The following DLG2 variants were observed in gnomAD, a reference collection of about 807,000 sequenced individuals.
DLG2 encodes disks large homolog 2.
Under a neutral mutation model 132.5 loss-of-function variants are expected in DLG2, and 45 were observed. That is an observed-to-expected ratio of 0.34 (90% CI 0.27 to 0.44). The LOEUF (loss-of-function observed/expected upper bound fraction) is 0.44. Among genes scored for constraint, DLG2 ranks in the 20% least tolerant of loss-of-function variants. The pLI, the probability that DLG2 is intolerant of heterozygous loss-of-function variation, is 1.00. For synonymous variants in DLG2, 424 were observed against 419.6 expected (o/e 1.01, Z -0.13); for missense variants, 1,045 against 1,196.9 (o/e 0.87, Z 1.87).
At chr11:85,576,684 G>A (rs992666250) in intron 3 of DLG2, among the ~76,000 whole-genome samples, 1 of 152,174 alleles carries the variant, frequency 6.6e-6, no homozygotes, top group Non-Finnish European at 1.5e-5. Context: ...ACTCTGCTAA[G>A]TGTTAGGATT....
intron 6 of DLG2, among the ~76,000 whole-genome samples, chr11:84,961,989 G>C (rs2052648909): frequency 6.6e-6 from 1 of 152,082 alleles, no homozygotes; most frequent in South Asian, 2.1e-4. Context: ...CCACTGACAG[G>C]GTGCTATAAG....
intron 7 of DLG2, among the ~76,000 whole-genome samples, chr11:84,395,359 G>T (rs1181612806): frequency 2.0e-5 from 3 of 151,966 alleles, no homozygotes; most frequent in African/African-American, 7.2e-5. Context: ...GGCAGAAGGG[G>T]CCTTAGTGCG....
chr11:83,490,880 C>G (rs2093802341), intron 21 of DLG2, among the ~76,000 whole-genome samples: 1 of 151,844 alleles, frequency 6.6e-6, no homozygotes, highest in Non-Finnish European at 1.5e-5. Flanking sequence ...AGTCCTGAGT[C>G]AGAAAAATAA....
chr11:85,393,616 A>G (rs770007350), intron 3 of DLG2, among the ~76,000 whole-genome samples: 18 of 142,194 alleles, frequency 1.3e-4, no homozygotes, highest in Admixed American at 3.0e-4. Flanking sequence ...ATATATATAT[A>G]TATGGTATGC....
intron 22 of DLG2, chr11:83,483,145 T>A: frequency 1.2e-6 from 1 of 860,430 alleles, no homozygotes; most frequent in Non-Finnish European, 1.9e-6. Context: ...AAAACTCGTA[T>A]CTTGTGCATG....
intron 7 of DLG2, among the ~76,000 whole-genome samples, chr11:84,519,849 A>G (rs1440553795): frequency 6.6e-6 from 1 of 152,222 alleles, no homozygotes; most frequent in Non-Finnish European, 1.5e-5. Context: ...GTTCCATAGG[A>G]AGTCCATAGA....
intron 4 of DLG2, among the ~76,000 whole-genome samples, chr11:85,209,229 C>G (rs1005342960): frequency 1.3e-5 from 2 of 152,096 alleles, no homozygotes; most frequent in Non-Finnish European, 2.9e-5. Flanking sequence ...GCACTGAATA[C>G]AAATACTTAG....
intron 11 of DLG2, among the ~76,000 whole-genome samples, chr11:84,000,859 G>C (rs2094310253): frequency 6.6e-6 from 1 of 151,982 alleles, no homozygotes; most frequent in Middle Eastern, 3.4e-3. Flanking sequence ...ATGCTCAAGG[G>C]AGTCCTAAAC....
intron 15 of DLG2, among the ~76,000 whole-genome samples, chr11:83,906,508 C>T (rs2075011958): frequency 6.6e-6 from 1 of 152,040 alleles, no homozygotes; most frequent in Non-Finnish European, 1.5e-5. Flanking sequence ...ATTCATCCAT[C>T]TATTCCAAAA....
chr11:84,617,211 A>G (rs1402456264), intron 6 of DLG2, among the ~76,000 whole-genome samples: 1 of 151,608 alleles, frequency 6.6e-6, no homozygotes, highest in South Asian at 2.1e-4. Context: ...TTCAACTCCA[A>G]CTTATGAGTG....
intron 6 of DLG2, among the ~76,000 whole-genome samples, chr11:85,096,753 C>T (rs897503057): frequency 9.2e-5 from 14 of 152,144 alleles, no homozygotes; most frequent in African/African-American, 2.9e-4. Context: ...AGACCCTTTT[C>T]GCTTGCCATT....
In DLG2 at chr11:83,849,765, T is replaced by TAAAAAA. The variant is rs67891823; in HGVS notation, c.1566-16001_1566-15996dup. Reference sequence around the variant, plus strand: ...CTGGAGCTCCTTTTTTTTTTTTTTTTAAAAAAAAAGCATAAAATATTACAT... The same window carrying TAAAAAA: ...CTGGAGCTCCTTTTTTTTTTTTTTTTAAAAAAAAAAAAAAAGCATAAAATATTACAT... On this transcript the variant is annotated intron_variant, in intron 16 of 27. Coordinates refer to ENST00000376104, the MANE Select transcript of DLG2 (RefSeq NM_001142699.3). 5.8e-3 allele frequency among the ~76,000 whole-genome samples: 866 copies of TAAAAAA among 148,092 alleles called. 13 individuals carry two copies. Among genetic ancestry groups the TAAAAAA allele is most frequent in the African/African-American group, 0.02 (795 of 40,186 alleles).
At chr11:84,401,740 C>T (rs1166130621) in intron 7 of DLG2, among the ~76,000 whole-genome samples, 4 of 152,088 alleles carry the variant, frequency 2.6e-5, no homozygotes, top group African/African-American at 9.7e-5. Context: ...TTTTTAGCAG[C>T]GATGTCATCT....
chr11:84,965,535 T>C (rs1459195529), intron 6 of DLG2, among the ~76,000 whole-genome samples: 2 of 152,048 alleles, frequency 1.3e-5, no homozygotes, highest in African/African-American at 4.8e-5. Flanking sequence ...TCATCAAGAC[T>C]AAAAGAATTT....
intron 9 of DLG2, among the ~76,000 whole-genome samples, chr11:84,121,645 T>A (rs1460569613): frequency 6.9e-6 from 1 of 145,892 alleles, no homozygotes; most frequent in African/African-American, 2.5e-5. Context: ...CACTGCAAGT[T>A]CCGCCTCCCG....
At chr11:85,500,870 T>A (rs2093784876) in intron 3 of DLG2, among the ~76,000 whole-genome samples, 2 of 152,170 alleles carry the variant, frequency 1.3e-5, no homozygotes, top group South Asian at 4.1e-4. Context: ...TTCCATGCTA[T>A]CCCCATCAAG....
chr11:84,795,228 T>C (rs2074411065), intron 6 of DLG2, among the ~76,000 whole-genome samples: 1 of 152,094 alleles, frequency 6.6e-6, no homozygotes, highest in Non-Finnish European at 1.5e-5. Context: ...CCACTGTGGG[T>C]CTCCTCTTTG....
intron 6 of DLG2, among the ~76,000 whole-genome samples, chr11:84,924,589 A>C (rs575498986): frequency 2.0e-5 from 3 of 152,356 alleles, no homozygotes; most frequent in African/African-American, 7.2e-5. Context: ...AATTAAAGGA[A>C]GAAGAAAAGC....
At chr11:83,549,088 A>C (rs2096314120) in intron 19 of DLG2, among the ~76,000 whole-genome samples, 1 of 152,154 alleles carries the variant, frequency 6.6e-6, no homozygotes, top group African/African-American at 2.4e-5. Context: ...GCTTTGACTC[A>C]ATTTCCTTCA....
Sources: allele counts gnomAD v4.1 joint callset (sites outside exome capture counted in the v4.1 genomes callset), GRCh38; gene constraint gnomAD v4.1.1; transcripts MANE v1.5; gene names NCBI Gene and HGNC (gene_info 2026-07-23, HGNC 2026-07-21).